Variants in ZBTB46 observed in about 807,000 individuals in gnomAD.
ZBTB46 encodes the protein zinc finger and BTB domain containing 46.
In ZBTB46, 8 loss-of-function variants were observed where a neutral mutation model predicts 44.1. The observed-to-expected ratio is 0.18, with a 90% CI of 0.11 to 0.33. The LOEUF is 0.33. Among genes scored for constraint, ZBTB46 ranks in the 10% least tolerant of loss-of-function variants. ZBTB46 has a pLI of 1.00. For missense variants in ZBTB46, 651 were observed against 847.7 expected, an observed-to-expected ratio of 0.77 and a Z score of 2.88; for synonymous variants, 409 against 382.3, an observed-to-expected ratio of 1.07 and a Z score of -0.81.
chr20:63,752,647 A>ACGCGCAG lies in ZBTB46; in HGVS notation c.1398+32_1398+38dup, dbSNP rs1568829235. ...ACCCGCCTGCCCGGACATCGTGGCCACGCGCAGCGCGCGGCACGCGGACCC... is the reference window on the plus strand; with the variant it reads ...ACCCGCCTGCCCGGACATCGTGGCCACGCGCAGCGCGCAGCGCGCGGCACGCGGACCC... On this transcript the variant is annotated intron_variant, in intron 4 of 4. Coordinates refer to ENST00000245663, the MANE Select transcript of ZBTB46 (RefSeq NM_001369741.1). This position sits in a 1 kb window ranked among gnomAD's most constrained non-coding sequence, Gnocchi z 5.6. 1 of 1,473,384 alleles carries ACGCGCAG rather than the reference A, an allele frequency of 6.8e-7. No homozygotes were observed. The highest frequency in any genetic ancestry group is 2.2e-5 in the Admixed American group (1 of 45,732). The allele number at this position is 1,473,384 out of a possible 1,614,324, so 91.3% of individuals were successfully genotyped here.
rs1333036536 is a variant in ZBTB46, at chr20:63,775,980, C to A, written c.938-18G>T. Reference sequence around the variant, plus strand: ...GTCCGCATCTGGGGACAGAGGGACACACGTCAGAAGACACGGGTCGTTCCC... The same window carrying A: ...GTCCGCATCTGGGGACAGAGGGACAAACGTCAGAAGACACGGGTCGTTCCC... On this transcript the variant is annotated intron_variant, in intron 2 of 4. Transcript: ENST00000245663. 1.3e-6 allele frequency: 2 copies of A among 1,532,432 alleles called. No homozygotes were observed. The highest frequency in any genetic ancestry group is 8.7e-7 in the Non-Finnish European group (1 of 1,145,922). The allele number at this position is 1,532,432 out of a possible 1,614,324, so 94.9% of individuals were successfully genotyped here. A position where few individuals can be genotyped will look rare whatever the true frequency, so the allele number is the denominator to read the frequency against.
intron 3 of ZBTB46, among the ~76,000 whole-genome samples, chr20:63,764,119 C>A (rs1432224790): frequency 6.6e-6 from 1 of 152,070 alleles, no homozygotes; most frequent in East Asian, 1.9e-4. Context: ...CAGGCATGAG[C>A]CATTACACCC....
intron 3 of ZBTB46, among the ~76,000 whole-genome samples, chr20:63,773,327 C>T (rs577204207): frequency 2.0e-5 from 3 of 150,534 alleles, no homozygotes; most frequent in South Asian, 2.1e-4. Flanking sequence ...CTCCTGGGCT[C>T]AAGCGATCCT....
At chr20:63,791,406 G>A (rs887844344) in intron 1 of ZBTB46, among the ~76,000 whole-genome samples, 21 of 142,072 alleles carry the variant, frequency 1.5e-4, no homozygotes, top group Admixed American at 3.0e-4. Flanking sequence ...TGAGGCAGGA[G>A]AATGGCGTGA....
intron 2 of ZBTB46, among the ~76,000 whole-genome samples, chr20:63,778,063 G>C (rs1055737283): frequency 6.6e-5 from 10 of 152,160 alleles, no homozygotes; most frequent in African/African-American, 2.4e-4. Context: ...AGTGGTGCAG[G>C]GTTTCCCTCT....
intron 1 of ZBTB46, among the ~76,000 whole-genome samples, chr20:63,799,545 G>C (rs754051775): frequency 2.7e-5 from 4 of 150,108 alleles, no homozygotes; most frequent in Non-Finnish European, 4.4e-5. Flanking sequence ...ACAGGGTTTC[G>C]CCATGTTGGC....
Position 63,775,076 on chromosome 20 carries a change from G to A in ZBTB46, c.1222+602C>T, listed in dbSNP as rs558423536. On this transcript the variant is annotated intron_variant, in intron 3 of 4. Transcript: ENST00000245663. ...AAGTCAGTCAGTCTGGGGTGAGCCC[G>A]ACACGCAGCAGTGGCTGAACTTTTG... is the stretch of plus-strand genomic sequence containing the variant. 2.4e-4 allele frequency among the ~76,000 whole-genome samples: 36 copies of A among 152,318 alleles called. No homozygotes were observed. In the South Asian group the frequency reaches 7.0e-3, roughly 30 times the overall value.
At chr20:63,788,553 C>A (rs2092534141) in intron 2 of ZBTB46, among the ~76,000 whole-genome samples, 1 of 152,102 alleles carries the variant, frequency 6.6e-6, no homozygotes, top group African/African-American at 2.4e-5. Flanking sequence ...TAAGAAAAAA[C>A]ATCAGCCAGG....
intron 3 of ZBTB46, among the ~76,000 whole-genome samples, chr20:63,756,247 G>T (rs2092219339): frequency 6.6e-6 from 1 of 152,214 alleles, no homozygotes. Context: ...GAACATTCCA[G>T]AACCTTTTCA....
At chr20:63,817,821 A>G (rs1012983831) in intron 1 of ZBTB46, among the ~76,000 whole-genome samples, 6 of 152,144 alleles carry the variant, frequency 3.9e-5, no homozygotes, top group Admixed American at 2.6e-4. Context: ...AGGCGTCTAT[A>G]AGCCAAGAGG....
chr20:63,796,264 G>T (rs2145956481), intron 1 of ZBTB46, among the ~76,000 whole-genome samples: 1 of 152,366 alleles, frequency 6.6e-6, no homozygotes, highest in East Asian at 1.9e-4. Context: ...GCATCCACCG[G>T]ACGCCCGATC....
chr20:63,769,330 A>C (rs558423554), intron 3 of ZBTB46: 1 of 985,338 alleles, frequency 1.0e-6, no homozygotes, highest in East Asian at 1.1e-4. Context: ...CTGAGGGTGG[A>C]GGGTGGAGGG....
rs182947447 is a variant in ZBTB46 at position 63,829,449 on chromosome 20, T to G, written c.-34+1648A>C. Among the ~76,000 whole-genome samples the G allele has an allele frequency of 3.3e-5, 5 of 152,356 alleles. No individual in the cohort carries two copies. In the East Asian group the frequency reaches 9.6e-4, roughly 29 times the overall value. ...TTTCGGATTTCTAAACACCTCAAAG[T>G]GAGTGCATTCCACGCCCCAAGGAGA... is the stretch of plus-strand genomic sequence containing the variant. On this transcript the variant is annotated intron_variant, in intron 1 of 4. Coordinates refer to ENST00000245663, the MANE Select transcript of ZBTB46 (RefSeq NM_001369741.1).
Position 63,822,236 on chromosome 20 carries a change from G to A in ZBTB46, c.-34+8861C>T, listed in dbSNP as rs116636084. Among the ~76,000 whole-genome samples, 275 of 152,312 alleles carry A rather than the reference G, an allele frequency of 1.8e-3. 2 individuals carry two copies. The highest frequency in any genetic ancestry group is 6.3e-3 in the African/African-American group (260 of 41,574). On this transcript the variant is annotated intron_variant, in intron 1 of 4. Transcript: ENST00000245663. ...AGCTGCACTCACAGCGTCGGGAACC[G>A]GAGGTGGCTGGGAGAACCGGGAATA...
rs747229921 is a variant in ZBTB46, at chr20:63,746,944, C to A, written c.1756G>T (p.Ala586Ser). 66 of 1,563,810 alleles carry A rather than the reference C, an allele frequency of 4.2e-5. No individual in the cohort carries two copies. Among genetic ancestry groups the A allele is most frequent in the Non-Finnish European group, 4.7e-5 (55 of 1,158,730 alleles). ...SPPGGPDKDF[A>S]WLS is the part of the protein sequence containing the mutation. ...GGCGGGCGGGCCTAGGAGAGCCAGGCGAAGTCCTTGTCAGGGCCTCCTGGG... is the reference window on the plus strand; with the variant it reads ...GGCGGGCGGGCCTAGGAGAGCCAGGAGAAGTCCTTGTCAGGGCCTCCTGGG... Residue 586 changes from alanine (A) to serine (S), a missense_variant, in exon 5 of 5, where the codon GCC (alanine) becomes TCC (serine). Around this residue, in one of 5 missense-constraint regions of ZBTB46, gnomAD observed 106 missense variants for 81.0 expected, o/e 1.31. Coordinates refer to ENST00000245663, the MANE Select transcript of ZBTB46 (RefSeq NM_001369741.1).
At chr20:63,824,046 C>T (rs1029368165) in intron 1 of ZBTB46, among the ~76,000 whole-genome samples, 1 of 152,070 alleles carries the variant, frequency 6.6e-6, no homozygotes, top group Non-Finnish European at 1.5e-5. Flanking sequence ...CTTTAGAGAC[C>T]AGAGGCTCAG....
intron 1 of ZBTB46, among the ~76,000 whole-genome samples, chr20:63,798,189 G>C (rs1374311051): frequency 6.6e-6 from 1 of 152,042 alleles, no homozygotes; most frequent in Non-Finnish European, 1.5e-5. Flanking sequence ...TGTAAGGAAG[G>C]GATCCAGTTT....
At chr20:63,815,591 T>C in intron 1 of ZBTB46, among the ~76,000 whole-genome samples, 1 of 118,520 alleles carries the variant, frequency 8.4e-6, no homozygotes. Flanking sequence ...TGAGCACAGG[T>C]GCAGTGGGTG....
intron 2 of ZBTB46, among the ~76,000 whole-genome samples, chr20:63,780,618 T>C (rs1490300181): frequency 6.6e-6 from 1 of 151,116 alleles, no homozygotes; most frequent in East Asian, 2.0e-4. Context: ...CTGGCTAACA[T>C]GGTGAAACCC....
Sources: allele counts gnomAD v4.1 joint callset (sites outside exome capture counted in the v4.1 genomes callset), GRCh38; gene constraint gnomAD v4.1.1; regional missense constraint gnomAD v4.1.1; non-coding constraint Gnocchi (gnomAD v3.1); transcripts MANE v1.5; gene names NCBI Gene and HGNC (gene_info 2026-07-23, HGNC 2026-07-21).